Variants in PIK3R3 observed in about 807,000 individuals in gnomAD.
PIK3R3 encodes the protein phosphoinositide-3-kinase regulatory subunit 3.
A neutral mutation model predicts 62.9 loss-of-function variants in PIK3R3; 64 were observed. The observed-to-expected ratio is 1.02, with a 90% CI of 0.83 to 1.25. PIK3R3 has a LOEUF of 1.25. Ranked by LOEUF, PIK3R3 falls within the 50% of genes most tolerant of loss-of-function variation. PIK3R3 has a pLI of 0.00. For synonymous variants in PIK3R3, 165 were observed against 189.0 expected, an observed-to-expected ratio of 0.87 and a Z score of 1.04; for missense variants, 614 against 561.6, an observed-to-expected ratio of 1.09 and a Z score of -0.94.
intron 1 of PIK3R3, among the ~76,000 whole-genome samples, chr1:46,106,198 G>A (rs1324284573): frequency 6.6e-6 from 1 of 152,102 alleles, no homozygotes; most frequent in Non-Finnish European, 1.5e-5. Context: ...GACCTTCCAG[G>A]CTCAAATGAT....
chr1:46,064,711 A>T lies in PIK3R3; in HGVS notation c.621+1343T>A, dbSNP rs186018421. Among the ~76,000 whole-genome samples, 275 of 152,302 alleles carry T rather than the reference A, an allele frequency of 1.8e-3. 1 individual carries two copies. Among genetic ancestry groups the T allele is most frequent in the Middle Eastern group, 6.8e-3 (2 of 294 alleles). On this transcript the variant is annotated intron_variant, in intron 5 of 9. Coordinates refer to ENST00000262741, the MANE Select transcript of PIK3R3 (RefSeq NM_003629.4). ...AGGGGCAAAAGAAGAAATCACAAAA[A>T]ATAGAAAATATTAAAAACTGAATAA...
At chr1:46,059,201 C>G (rs1348599136) in intron 6 of PIK3R3, among the ~76,000 whole-genome samples, 1 of 152,202 alleles carries the variant, frequency 6.6e-6, no homozygotes, top group Non-Finnish European at 1.5e-5. Flanking sequence ...GTGAGGCTTC[C>G]CTAGTCACGT....
At chr1:46,146,582 C>G in the PIK3R3 span, among the ~76,000 whole-genome samples, 1 of 152,016 alleles carries the variant, frequency 6.6e-6, no homozygotes, top group Non-Finnish European at 1.5e-5. Context: ...TTCCCTACAA[C>G]CTCATCGATC....
the PIK3R3 span, among the ~76,000 whole-genome samples, chr1:46,156,562 A>G: frequency 1.0e-3 from 156 of 152,248 alleles, no homozygotes; most frequent in Middle Eastern, 3.4e-3. Flanking sequence ...TCTGTGGTGA[A>G]GTAGCTAATA....
chr1:46,083,087 CAAAT>C lies in PIK3R3; in HGVS notation c.107-2341_107-2338del, dbSNP rs139690651. Among the ~76,000 whole-genome samples the C allele has an allele frequency of 3.5e-3, 532 of 152,114 alleles. 6 individuals are homozygous for C. The highest frequency in any genetic ancestry group is 0.034 in the East Asian group (174 of 5,180). Reference sequence around the variant, plus strand: ...AGTGAGATTTTGTCTCAAAAATAAACAAATAAAGAAATAAAGTCCCTTAGTCAAC... The same window carrying C: ...AGTGAGATTTTGTCTCAAAAATAAACAAAGAAATAAAGTCCCTTAGTCAAC... On this transcript the variant is annotated intron_variant, in intron 1 of 9. Coordinates refer to ENST00000262741, the MANE Select transcript of PIK3R3 (RefSeq NM_003629.4).
upstream of PIK3R3, chr1:46,132,977 G>A (rs1006732892): frequency 4.5e-6 from 5 of 1,103,132 alleles, no homozygotes; most frequent in East Asian, 9.4e-5. Context: ...CGAGCCAGGC[G>A]AGGAGGGAGT....
intron 1 of PIK3R3, among the ~76,000 whole-genome samples, chr1:46,107,688 G>A (rs576320690): frequency 3.9e-5 from 6 of 152,184 alleles, no homozygotes; most frequent in South Asian, 2.1e-4. Flanking sequence ...GTCTTTCTTC[G>A]ACTCTAGCCT....
intron 9 of PIK3R3, among the ~76,000 whole-genome samples, chr1:46,045,304 G>T (rs557112789): frequency 1.3e-5 from 2 of 152,264 alleles, no homozygotes; most frequent in African/African-American, 4.8e-5. Context: ...TGTGGCTTTT[G>T]TCAGTGAAGA....
chr1:46,099,245 AAC>A (rs1652430936), intron 1 of PIK3R3, among the ~76,000 whole-genome samples: 1 of 152,250 alleles, frequency 6.6e-6, no homozygotes, highest in South Asian at 2.1e-4. Flanking sequence ...GTTGTAATAA[AAC>A]ACAAAAATAC....
chr1:46,126,494 C>T (rs941800575), intron 1 of PIK3R3, among the ~76,000 whole-genome samples: 1 of 150,698 alleles, frequency 6.6e-6, no homozygotes, highest in African/African-American at 2.4e-5. Flanking sequence ...GCTGAGATCA[C>T]GCCACTGCAC....
intron 3 of PIK3R3, among the ~76,000 whole-genome samples, chr1:46,071,174 A>G (rs1649442543): frequency 6.6e-6 from 1 of 151,294 alleles, no homozygotes; most frequent in African/African-American, 2.4e-5. Flanking sequence ...TTTTCTTTCA[A>G]CCTCTCAAAC....
intron 1 of PIK3R3, among the ~76,000 whole-genome samples, chr1:46,087,322 AAAAG>A (rs1296639419): frequency 6.6e-6 from 1 of 151,984 alleles, no homozygotes; most frequent in East Asian, 1.9e-4. Context: ...TGTAAAAAAA[AAAAG>A]AAAGAAAAAA....
rs1327143089 is a variant in PIK3R3 at position 46,117,942 on chromosome 1, T to C, written c.106+13905A>G. Among the ~76,000 whole-genome samples, 4 of 151,430 alleles carry C rather than the reference T, an allele frequency of 2.6e-5. No individual in the cohort carries two copies. In the South Asian group the frequency reaches 8.4e-4, roughly 32 times the overall value. ...TGTTTTAATTAGCCAGGTGTGGTAG[T>C]GCACGCCTGTAGTTGGTCCTAGCTA... is the stretch of plus-strand genomic sequence containing the variant. On this transcript the variant is annotated intron_variant, in intron 1 of 9. Coordinates refer to ENST00000262741, the MANE Select transcript of PIK3R3 (RefSeq NM_003629.4).
chr1:46,074,018 G>C (rs1372975187), intron 3 of PIK3R3, among the ~76,000 whole-genome samples: 1 of 149,800 alleles, frequency 6.7e-6, no homozygotes, highest in Admixed American at 6.6e-5. Context: ...AGCTGGGCGC[G>C]GTGGCTCATG....
At chr1:46,151,862 CAATT>C in the PIK3R3 span, among the ~76,000 whole-genome samples, 1 of 152,192 alleles carries the variant, frequency 6.6e-6, no homozygotes, top group Non-Finnish European at 1.5e-5. Flanking sequence ...ACAATCACCT[CAATT>C]GATTGAGTTT....
intron 7 of PIK3R3, among the ~76,000 whole-genome samples, chr1:46,054,004 G>A (rs940612461): frequency 3.9e-5 from 6 of 152,132 alleles, no homozygotes; most frequent in African/African-American, 1.4e-4. Context: ...CACTTGGCTT[G>A]ACTTTTGGCC....
intron 1 of PIK3R3, among the ~76,000 whole-genome samples, chr1:46,087,308 A>G (rs961360135): frequency 1.3e-5 from 2 of 151,896 alleles, no homozygotes; most frequent in South Asian, 4.2e-4. Flanking sequence ...GCTGTGTTTT[A>G]GAATGTAAAA....
intron 1 of PIK3R3, among the ~76,000 whole-genome samples, chr1:46,106,301 C>T (rs905788736): frequency 3.9e-5 from 6 of 152,062 alleles, no homozygotes; most frequent in Admixed American, 2.6e-4. Context: ...GACAAGTTTT[C>T]GGTATGTTGC....
chr1:46,081,973 T>C (rs910052819), intron 1 of PIK3R3, among the ~76,000 whole-genome samples: 1 of 151,840 alleles, frequency 6.6e-6, no homozygotes, highest in Non-Finnish European at 1.5e-5. Context: ...TTAAACAAAA[T>C]AGGAATATAT....
Sources: gnomAD v4.1 joint callset for allele counts (sites outside exome capture counted in the v4.1 genomes callset) on GRCh38, gnomAD v4.1.1 for gene constraint, MANE v1.5 for transcripts, NCBI Gene and HGNC (gene_info 2026-07-23, HGNC 2026-07-21) for gene names.